Variants in SLC9C2 observed in about 807,000 individuals in gnomAD.
SLC9C2 encodes the protein solute carrier family 9 member C2 (putative).
A neutral mutation model predicts 140.2 loss-of-function variants in SLC9C2; 75 were observed. The ratio of observed to expected loss-of-function variants is 0.53; its 90% CI spans 0.44 to 0.65. SLC9C2 has a LOEUF of 0.65. Ranked by LOEUF, SLC9C2 falls within the 30% of genes least tolerant of loss-of-function variation. The probability of loss-of-function intolerance (pLI) is 0.00; values close to 1 mark genes in which losing one functional copy is unlikely to be tolerated. For synonymous variants in SLC9C2, 375 were observed against 420.9 expected, an observed-to-expected ratio of 0.89 and a Z score of 1.34; for missense variants, 1,074 against 1,331.8, an observed-to-expected ratio of 0.81 and a Z score of 3.01.
chr1:173,541,780 A>C (rs1167263743), intron 13 of SLC9C2, among the ~76,000 whole-genome samples: 1 of 152,248 alleles, frequency 6.6e-6, no homozygotes. Context: ...AACAAAATGA[A>C]GGCAGAAATA....
At chr1:173,524,734 C>A (rs376202901) in intron 20 of SLC9C2, 45 bp downstream of exon 20, 1 of 1,601,752 alleles carries the variant, frequency 6.2e-7, no homozygotes, top group African/African-American at 1.3e-5. Flanking sequence ...GCTAAAGTAA[C>A]CATGAAGGCT....
intron 6 of SLC9C2, 145 bp from the exon 7 acceptor site, chr1:173,582,153 T>A: frequency 1.8e-6 from 1 of 548,126 alleles, no homozygotes; most frequent in Non-Finnish European, 3.1e-6. Flanking sequence ...AGGAGTGTCT[T>A]GTGAAAGTCT....
chr1:173,531,038 G>A (rs1331613689), intron 17 of SLC9C2, among the ~76,000 whole-genome samples: 3 of 152,288 alleles, frequency 2.0e-5, no homozygotes, highest in Admixed American at 1.3e-4. Flanking sequence ...AAGATTGCCA[G>A]TATTCTTTCA....
intron 13 of SLC9C2, among the ~76,000 whole-genome samples, chr1:173,539,811 G>C (rs1423925625): frequency 1.3e-5 from 2 of 152,104 alleles, no homozygotes; most frequent in Admixed American, 6.6e-5. Flanking sequence ...GGTACTCTTA[G>C]GAAAGCTATT....
intron 7 of SLC9C2, among the ~76,000 whole-genome samples, chr1:173,578,246 A>G (rs1181182391): frequency 1.3e-5 from 2 of 152,196 alleles, no homozygotes; most frequent in African/African-American, 2.4e-5. Context: ...ATTATACATC[A>G]ACACTCAAAG....
chr1:173,573,036 C>A (rs936133741), intron 9 of SLC9C2, 146 bp downstream of exon 9: 1 of 528,372 alleles, frequency 1.9e-6, no homozygotes, highest in Non-Finnish European at 3.3e-6. Flanking sequence ...AGTTGCACAG[C>A]AAGCTATTGT....
rs942762129 is a variant in SLC9C2, at chr1:173,557,507, A to T, written c.1048T>A (p.Leu350Met). The change falls in exon 10 of 28, where the codon TTG becomes ATG. Residue 350 changes from leucine to methionine, a missense_variant and splice_region_variant. Coordinates refer to ENST00000367714, the MANE Select transcript of SLC9C2 (RefSeq NM_178527.4). ...ILFTTVNLVR[L>M]LTILLVSPIL... Reference sequence around the variant, plus strand: ...GGGCTCACTAACAAAATAGTAAGCAACCTGTGGAGAGGGAAACATTAAAAA... The same window carrying T: ...GGGCTCACTAACAAAATAGTAAGCATCCTGTGGAGAGGGAAACATTAAAAA... 3 of 1,607,926 alleles carry T rather than the reference A, an allele frequency of 1.9e-6. No individual in the cohort carries two copies. The African/African-American group carries it at 4.0e-5, about 22-fold the overall frequency.
chr1:173,503,174 T>G, intron 27 of SLC9C2, 92 bp downstream of exon 27: 1 of 1,005,546 alleles, frequency 9.9e-7, no homozygotes, highest in Non-Finnish European at 1.5e-6. Context: ...TCTCACCACC[T>G]ACAATTTGCT....
At chr1:173,600,529 T>C (rs1173773858) in intron 2 of SLC9C2, among the ~76,000 whole-genome samples, 2 of 152,064 alleles carry the variant, frequency 1.3e-5, no homozygotes, top group East Asian at 3.9e-4. Flanking sequence ...AAATGTGTTA[T>C]GAAAGCTTTT....
At chr1:173,512,732 G>C (rs534626575) in intron 23 of SLC9C2, among the ~76,000 whole-genome samples, 16 of 152,108 alleles carry the variant, frequency 1.1e-4, no homozygotes, top group Non-Finnish European at 2.4e-4. Context: ...CTTGTGCCAG[G>C]TTCCAAAGGA....
At chr1:173,547,337 T>C (rs1377508727) in intron 13 of SLC9C2, among the ~76,000 whole-genome samples, 1 of 151,446 alleles carries the variant, frequency 6.6e-6, no homozygotes, top group Non-Finnish European at 1.5e-5. Flanking sequence ...TTGAGAGAAT[T>C]TCGTATAAAT....
chr1:173,553,549 C>A (rs1663466999), intron 11 of SLC9C2, among the ~76,000 whole-genome samples: 2 of 152,180 alleles, frequency 1.3e-5, no homozygotes, highest in Admixed American at 6.5e-5. Context: ...CAACCCTGCA[C>A]CAGCAAAAAG....
intron 4 of SLC9C2, among the ~76,000 whole-genome samples, chr1:173,594,649 A>T (rs1666347567): frequency 6.6e-6 from 1 of 152,176 alleles, no homozygotes; most frequent in South Asian, 2.1e-4. Flanking sequence ...GGATGGTAGT[A>T]TTATGTCAAT....
chr1:173,529,082 CA>C (rs905148980), intron 18 of SLC9C2, among the ~76,000 whole-genome samples: 5 of 151,358 alleles, frequency 3.3e-5, no homozygotes, highest in Admixed American at 1.3e-4. Flanking sequence ...AAGTAATTGT[CA>C]AAAAAAATTA....
intron 7 of SLC9C2, among the ~76,000 whole-genome samples, 194 bp downstream of exon 7, chr1:173,581,653 T>C (rs1040786772): frequency 1.3e-5 from 2 of 149,530 alleles, no homozygotes; most frequent in Non-Finnish European, 3.0e-5. Flanking sequence ...TGCAAGGAAA[T>C]TGGACATGGA....
intron 15 of SLC9C2, among the ~76,000 whole-genome samples, chr1:173,535,152 A>G (rs1334469621): frequency 6.6e-6 from 1 of 152,104 alleles, no homozygotes; most frequent in Non-Finnish European, 1.5e-5. Flanking sequence ...GATTTTTTGT[A>G]TATCTCTTTA....
At chr1:173,563,470 A>G (rs751304813) in intron 9 of SLC9C2, among the ~76,000 whole-genome samples, 19 of 152,238 alleles carry the variant, frequency 1.2e-4, no homozygotes, top group Non-Finnish European at 2.6e-4. Flanking sequence ...GAGAAGGCCA[A>G]TCTAGTTACT....
chr1:173,573,442 C>T (rs1484168970), intron 8 of SLC9C2, 117 bp from the exon 9 acceptor site: 23 of 718,662 alleles, frequency 3.2e-5, no homozygotes, highest in Non-Finnish European at 4.6e-5. Context: ...AGGCCCTTGC[C>T]TTCATCTCTG....
intron 5 of SLC9C2, among the ~76,000 whole-genome samples, chr1:173,586,434 C>T (rs1050355844): frequency 1.5e-4 from 23 of 151,986 alleles, no homozygotes; most frequent in African/African-American, 5.3e-4. Flanking sequence ...AAAATATTTC[C>T]GAGTCAAAAA....
Sources: allele counts gnomAD v4.1 joint callset (sites outside exome capture counted in the v4.1 genomes callset), GRCh38; gene constraint gnomAD v4.1.1; transcripts MANE v1.5; gene names NCBI Gene and HGNC (gene_info 2026-07-23, HGNC 2026-07-21).